MED8: variants seen among roughly 807,000 people sequenced by gnomAD.
The protein encoded by MED8 is mediator complex subunit 8, also known as mediator of RNA polymerase II transcription subunit 8.
A neutral mutation model predicts 34.8 loss-of-function variants in MED8; 22 were observed. The observed-to-expected ratio is 0.63, with a 90% confidence interval of 0.45 to 0.90. The LOEUF is 0.90. Among genes scored for constraint, MED8 ranks in the 40% least tolerant of loss-of-function variants. The pLI, the probability that MED8 is intolerant of heterozygous loss-of-function variation, is 0.00. For missense variants in MED8, 260 were observed against 326.3 expected (o/e 0.80, Z 1.57); for synonymous variants, 105 against 120.2 (o/e 0.87, Z 0.83).
At position 43,386,296 on chromosome 1, in the gene MED8, C is replaced by A; in HGVS notation, c.494-70G>T. The A allele has an allele frequency of 1.3e-6, 2 of 1,550,474 alleles. No individual in the cohort carries two copies. ...GGACTGAACGTGGCAGCTGGAAGAC[C>A]AGTATGAGTGCCAGGGTTTGGAGTT... On this transcript the variant is annotated intron_variant, in intron 5 of 6. Transcript: ENST00000372457. The surrounding 1 kb of genome is among the most constrained non-coding windows in gnomAD (Gnocchi z 4.9).
intron 6 of MED8, 48 bp downstream of exon 6, chr1:43,385,930 T>TC (rs1479717827): frequency 1.2e-6 from 2 of 1,611,842 alleles, no homozygotes; most frequent in African/African-American, 2.7e-5. Flanking sequence ...GCTTATTCCC[T>TC]CCCACTCCTG....
At chr1:43,388,507 T>C in intron 1 of MED8, 79 bp from the exon 2 acceptor site, 1 of 1,577,408 alleles carries the variant, frequency 6.3e-7, no homozygotes, top group South Asian at 1.1e-5. Flanking sequence ...GCCAAGGAGA[T>C]GGTGTGCAAC....
chr1:43,385,666 CTA>C, intron 6 of MED8: 2 of 358,878 alleles, frequency 5.6e-6, no homozygotes, highest in Non-Finnish European at 1.0e-5. Flanking sequence ...ATTTCTCTAC[CTA>C]ACAAGAGACA....
rs555934381 is a variant in MED8, at chr1:43,383,992, G to A, written c.*1050C>T. ...CTCAACCCCTGCCCATGCCAACAAA[G>A]GAGTACTAAGAAAGGCAGGTTAGCC... On this transcript the variant is annotated 3_prime_UTR_variant, in exon 7 of 7. Transcript: ENST00000372457. 2 of 154,924 alleles carry A rather than the reference G, an allele frequency of 1.3e-5. No individual in the cohort carries two copies. The highest frequency in any genetic ancestry group is 4.8e-5 in the African/African-American group (2 of 41,584). The allele number at this position is 154,924 out of a possible 1,614,324, so 9.6% of individuals were successfully genotyped here.
chr1:43,385,797 G>T, intron 6 of MED8, 181 bp downstream of exon 6: 1 of 883,742 alleles, frequency 1.1e-6, no homozygotes, highest in Non-Finnish European at 1.7e-6. Context: ...TCACTCTCTG[G>T]TGCCTGTTGC....
chr1:43,384,492 C>T lies in MED8; in HGVS notation c.*550G>A. The T allele has an allele frequency of 6.2e-7, 1 of 1,611,098 alleles. No homozygotes were observed. Among genetic ancestry groups the T allele is most frequent in the Non-Finnish European group, 8.5e-7 (1 of 1,178,670 alleles). On this transcript the variant is annotated 3_prime_UTR_variant, in exon 7 of 7. Coordinates refer to ENST00000372457, the MANE Select transcript of MED8 (RefSeq NM_201542.5). ...GGGCATTTTTTTTTCCTTCCTGGCC[C>T]AGAAGCTTCTTCACCTTGCGCCTTA... is the stretch of plus-strand genomic sequence containing the variant.
At position 43,386,880 on chromosome 1, in the gene MED8, C is replaced by T. The variant is rs2153925740; in HGVS notation, c.389G>A (p.Arg130His). 4 of 1,613,962 alleles carry T rather than the reference C, an allele frequency of 2.5e-6. No individual in the cohort carries two copies. The highest frequency in any genetic ancestry group is 2.2e-5 in the East Asian group (1 of 44,884). The stretch of plus-strand genomic sequence containing the variant: ...AACCTGGGCTGCATCTGCACCAATG[C>T]GGGCAGCATCTGTCGTCAGTTGCTT... The part of the protein sequence containing the change: ...QEKQLTTDAA[R>H]IGADAAQKQI... The change falls in exon 4 of 7, where the codon CGC (arginine) becomes CAC (histidine). Residue 130 changes from arginine (R) to histidine (H), a missense_variant. Physicochemically the swap from Arg to His is conservative, Grantham distance 29 (BLOSUM62 0). Transcript: ENST00000372457. This position sits in a 1 kb window ranked among gnomAD's most constrained non-coding sequence, Gnocchi z 4.9.
At chr1:43,388,670 A>C in intron 1 of MED8, 1 of 506,402 alleles carries the variant, frequency 2.0e-6, no homozygotes, top group Non-Finnish European at 3.5e-6. Context: ...TTTCCCCATC[A>C]CCTCCTAATC....
intron 2 of MED8, 166 bp from the exon 3 acceptor site, chr1:43,387,813 A>G (rs868067218): frequency 4.2e-6 from 3 of 710,036 alleles, no homozygotes; most frequent in Non-Finnish European, 7.0e-6. Context: ...TGACAGGGCT[A>G]TGAAAGAGGG....
rs1384457172 is a variant in MED8, at chr1:43,388,314, T to C, written c.121A>G (p.Thr41Ala). The change falls in exon 2 of 7, where the codon ACC becomes GCC. Residue 41 changes from threonine to alanine, a missense_variant. Transcript: ENST00000372457. ...GCTTGCCCTGGTAACTCTTACCAGGTCAGCCGGCCATACTCGTTCTCCAAC... is the reference window on the plus strand; with the variant it reads ...GCTTGCCCTGGTAACTCTTACCAGGCCAGCCGGCCATACTCGTTCTCCAAC... ...CKLENEYGRL[T>A]WPSVLDSFAL... The C allele has an allele frequency of 6.2e-7, 1 of 1,613,074 alleles. No homozygotes were observed. Among genetic ancestry groups the C allele is most frequent in the Non-Finnish European group, 8.5e-7 (1 of 1,179,860 alleles).
At chr1:43,385,740 G>A (rs1240782231) in intron 6 of MED8, 1 of 561,578 alleles carries the variant, frequency 1.8e-6, no homozygotes, top group African/African-American at 1.9e-5. Context: ...AGAGATGTGA[G>A]ATGCGGATGA....
chr1:43,386,555 C>T lies in MED8; in HGVS notation c.493+34G>A. 6.3e-7 allele frequency: 1 copy of T among 1,588,754 alleles called. No individual in the cohort carries two copies. The highest frequency in any genetic ancestry group is 8.6e-7 in the Non-Finnish European group (1 of 1,164,314). The stretch of plus-strand genomic sequence containing the variant: ...CCCATTCCAGTGATCTTATATACCT[C>T]TCCTTCTCTGTTTAGCCACCAGTCC... On this transcript the variant is annotated intron_variant, in intron 5 of 6. Transcript: ENST00000372457. This position sits in a 1 kb window ranked among gnomAD's most constrained non-coding sequence, Gnocchi z 4.9.
At chr1:43,385,280 G>A (rs1483984349) in intron 6 of MED8, 174 bp from the exon 7 acceptor site, 4 of 794,474 alleles carry the variant, frequency 5.0e-6, no homozygotes, top group African/African-American at 1.7e-5. Flanking sequence ...CTGTCTCCCT[G>A]AAGGTGTCCA....
In MED8 at chr1:43,386,373, G is replaced by T; in HGVS notation, c.494-147C>A. The T allele has an allele frequency of 8.8e-7, 1 of 1,140,060 alleles. No homozygotes were observed. Among genetic ancestry groups the T allele is most frequent in the Non-Finnish European group, 1.2e-6 (1 of 823,308 alleles). The allele number at this position is 1,140,060 out of a possible 1,614,324, so 70.6% of individuals were successfully genotyped here. On this transcript the variant is annotated intron_variant, in intron 5 of 6. Coordinates refer to ENST00000372457, the MANE Select transcript of MED8 (RefSeq NM_201542.5). This position sits in a 1 kb window ranked among gnomAD's most constrained non-coding sequence, Gnocchi z 4.9. ...TCACAGCCCAGAAAAAGAGCCAGAG[G>T]ACCCCCAAGCCTATCTCAGAATTCT...
chr1:43,385,718 G>A, intron 6 of MED8: 1 of 514,642 alleles, frequency 1.9e-6, no homozygotes, highest in Admixed American at 3.4e-5. Context: ...GGGATAGAAG[G>A]ATAGTTGACA....
chr1:43,384,275 C>CTT lies in MED8; in HGVS notation c.*765_*766dup. 1 of 693,064 alleles carries CTT rather than the reference C, an allele frequency of 1.4e-6. No individual in the cohort carries two copies. Among genetic ancestry groups the CTT allele is most frequent in the Non-Finnish European group, 2.2e-6 (1 of 446,838 alleles). The allele number at this position is 693,064 out of a possible 1,614,324, so 42.9% of individuals were successfully genotyped here. A position where few individuals can be genotyped will look rare whatever the true frequency, so the allele number is the denominator to read the frequency against. On this transcript the variant is annotated 3_prime_UTR_variant, in exon 7 of 7. Transcript: ENST00000372457. ...AGAAACATGAATCCAGGGGAAGGGG[C>CTT]TTTTTCGTGTGCTAAGGAAAAACCC...
intron 6 of MED8, chr1:43,385,719 A>G (rs953534485): frequency 1.2e-5 from 6 of 517,490 alleles, no homozygotes; most frequent in Non-Finnish European, 2.1e-5. Context: ...GGATAGAAGG[A>G]TAGTTGACAC....
At position 43,386,005 on chromosome 1, in the gene MED8, C is replaced by A; in HGVS notation, c.715G>T (p.Val239Leu). 3 of 1,613,982 alleles carry A rather than the reference C, an allele frequency of 1.9e-6. No homozygotes were observed. In the South Asian group the frequency reaches 3.3e-5, roughly 18 times the overall value. Residue 239 changes from valine to leucine, a missense_variant, in exon 6 of 7, where the codon GTA becomes TTA. Physicochemically the swap from Val to Leu is conservative, Grantham distance 32 (BLOSUM62 1). Coordinates refer to ENST00000372457, the MANE Select transcript of MED8 (RefSeq NM_201542.5). The surrounding 1 kb of genome is among the most constrained non-coding windows in gnomAD (Gnocchi z 4.9). ...PSQQQPMLSG[V>L]QMAQAGQPGK... ...GGTTGACCTGCCTGAGCCATTTGTACCCCACTGAGCATTGGCTGCTGCTGG... is the reference window on the plus strand; with the variant it reads ...GGTTGACCTGCCTGAGCCATTTGTAACCCACTGAGCATTGGCTGCTGCTGG...
At position 43,387,006 on chromosome 1, in the gene MED8, A is replaced by G; in HGVS notation, c.271-8T>C. 1 of 1,613,786 alleles carries G rather than the reference A, an allele frequency of 6.2e-7. No individual in the cohort carries two copies. The highest frequency in any genetic ancestry group is 8.5e-7 in the Non-Finnish European group (1 of 1,179,774). On this transcript the variant is annotated splice_polypyrimidine_tract_variant and splice_region_variant and intron_variant, in intron 3 of 6. Coordinates refer to ENST00000372457, the MANE Select transcript of MED8 (RefSeq NM_201542.5). The stretch of plus-strand genomic sequence containing the variant: ...CCGTCCTTCAGTCTGCCGCTGTAAC[A>G]CACAGATTTTATTGATCCTACTCTG...
Sources: allele counts gnomAD v4.1 joint callset, GRCh38; gene constraint gnomAD v4.1.1; non-coding constraint Gnocchi (gnomAD v3.1); transcripts MANE v1.5; gene names NCBI Gene and HGNC (gene_info 2026-07-23, HGNC 2026-07-21).